The following IMMP2L variants were observed in gnomAD, a reference collection of about 807,000 sequenced individuals.
IMMP2L encodes inner mitochondrial membrane peptidase subunit 2, also known as mitochondrial inner membrane protease subunit 2.
A neutral mutation model predicts 19.3 loss-of-function variants in IMMP2L; 18 were observed. The observed-to-expected ratio is 0.93, with a 90% CI of 0.64 to 1.38. The LOEUF (loss-of-function observed/expected upper bound fraction) is 1.38. Among genes scored for constraint, IMMP2L ranks in the 40% most tolerant of loss-of-function variants. IMMP2L has a pLI of 0.00. For missense variants in IMMP2L, 233 were observed against 218.2 expected (o/e 1.07, Z -0.43); for synonymous variants, 76 against 73.0 (o/e 1.04, Z -0.21).
intron 3 of IMMP2L, among the ~76,000 whole-genome samples, chr7:111,211,064 G>C (rs1201623296): frequency 6.6e-6 from 1 of 152,092 alleles, no homozygotes; most frequent in Non-Finnish European, 1.5e-5. Context: ...AATATGTATT[G>C]AGTCAGTATA....
chr7:111,546,059 T>C (rs989053818), intron 1 of IMMP2L, among the ~76,000 whole-genome samples: 1 of 152,118 alleles, frequency 6.6e-6, no homozygotes, highest in Admixed American at 6.5e-5. Context: ...ATAAACTGCC[T>C]TATTTTTAAC....
intron 3 of IMMP2L, among the ~76,000 whole-genome samples, chr7:110,994,319 A>C (rs1822810105): frequency 6.6e-6 from 1 of 152,066 alleles, no homozygotes; most frequent in African/African-American, 2.4e-5. Flanking sequence ...CTAGATACAA[A>C]ATCAGATGTT....
At chr7:111,079,267 G>A (rs1465860059) in intron 3 of IMMP2L, among the ~76,000 whole-genome samples, 38 of 122,146 alleles carry the variant, frequency 3.1e-4, no homozygotes, top group African/African-American at 9.0e-4. Flanking sequence ...ACAGGCGCCC[G>A]CCACTACGCC....
At chr7:111,437,017 T>C (rs949967926) in intron 3 of IMMP2L, among the ~76,000 whole-genome samples, 11 of 151,852 alleles carry the variant, frequency 7.2e-5, no homozygotes, top group African/African-American at 2.2e-4. Flanking sequence ...TCCGCCCCCA[T>C]GACCCAACCA....
At chr7:110,734,884 A>G (rs1054487151) in intron 5 of IMMP2L, among the ~76,000 whole-genome samples, 1 of 152,168 alleles carries the variant, frequency 6.6e-6, no homozygotes, top group Non-Finnish European at 1.5e-5. Context: ...ATAAACAAAA[A>G]TACTCCTTGG....
chr7:110,788,919 T>C (rs190152054), intron 5 of IMMP2L, among the ~76,000 whole-genome samples: 6 of 151,876 alleles, frequency 4.0e-5, no homozygotes, highest in Admixed American at 1.3e-4. Context: ...AGTAAAGTTA[T>C]GTGATGTCTA....
intron 5 of IMMP2L, among the ~76,000 whole-genome samples, chr7:110,702,628 C>T (rs913911886): frequency 6.6e-6 from 1 of 152,066 alleles, no homozygotes; most frequent in Non-Finnish European, 1.5e-5. Flanking sequence ...ATGTATTGCA[C>T]ATATTTTGTT....
intron 2 of IMMP2L, among the ~76,000 whole-genome samples, chr7:111,503,251 C>T (rs1439809231): frequency 6.6e-6 from 1 of 152,128 alleles, no homozygotes; most frequent in South Asian, 2.1e-4. Flanking sequence ...ACACATACAC[C>T]CTCCCAAGAC....
chr7:110,893,079 A>C (rs1392609583), intron 4 of IMMP2L, among the ~76,000 whole-genome samples: 5 of 152,204 alleles, frequency 3.3e-5, no homozygotes, highest in African/African-American at 1.2e-4. Context: ...TATTGCAACA[A>C]AGAAAGTCAC....
chr7:111,186,508 C>T (rs369253673), intron 3 of IMMP2L, among the ~76,000 whole-genome samples: 51 of 152,242 alleles, frequency 3.3e-4, no homozygotes, highest in South Asian at 6.2e-4. Context: ...GCAGCCTCCA[C>T]CTCCTGGGTT....
At chr7:110,838,528 CA>C (rs1360038328) in intron 5 of IMMP2L, among the ~76,000 whole-genome samples, 2 of 151,828 alleles carry the variant, frequency 1.3e-5, no homozygotes, top group Non-Finnish European at 2.9e-5. Context: ...CTAATCTATT[CA>C]TGGTTAATGG....
chr7:111,082,051 C>G (rs952293525), intron 3 of IMMP2L, among the ~76,000 whole-genome samples: 1 of 152,144 alleles, frequency 6.6e-6, no homozygotes, highest in East Asian at 1.9e-4. Flanking sequence ...TTAATGAGCA[C>G]CAAGCACCAG....
At chr7:111,322,098 T>C (rs1266660954) in intron 3 of IMMP2L, among the ~76,000 whole-genome samples, 1 of 151,942 alleles carries the variant, frequency 6.6e-6, no homozygotes, top group African/African-American at 2.4e-5. Flanking sequence ...GAGAAAACAA[T>C]GCCAAGAGAC....
chr7:111,220,993 C>T (rs1812453883), intron 3 of IMMP2L, among the ~76,000 whole-genome samples: 1 of 152,040 alleles, frequency 6.6e-6, no homozygotes, highest in African/African-American at 2.4e-5. Context: ...CTGAGTTCAC[C>T]ATTTTAAACG....
intron 3 of IMMP2L, among the ~76,000 whole-genome samples, chr7:111,457,918 AT>A (rs1424457561): frequency 1.4e-5 from 2 of 146,354 alleles, no homozygotes; most frequent in African/African-American, 2.6e-5. Flanking sequence ...TAAAATTGGT[AT>A]TTTTGACTAC....
chr7:111,331,117 T>C (rs112161955), intron 3 of IMMP2L, among the ~76,000 whole-genome samples: 4 of 151,998 alleles, frequency 2.6e-5, no homozygotes, highest in African/African-American at 9.6e-5. Context: ...GTTGAAGAAA[T>C]GTCTGCATTC....
rs556963973 is a variant in IMMP2L, at chr7:111,480,253, T to A, written c.239+6985A>T. Among the ~76,000 whole-genome samples, 3 of 151,846 alleles carry A rather than the reference T, an allele frequency of 2.0e-5. No individual in the cohort carries two copies. The South Asian group carries it at 6.3e-4, about 32-fold the overall frequency. On this transcript the variant is annotated intron_variant, in intron 3 of 5. Coordinates refer to ENST00000405709, the MANE Select transcript of IMMP2L (RefSeq NM_032549.4). Reference sequence around the variant, plus strand: ...CGCCCACCACCACGCCCAGCTAATTTTTTGTATTTTTAGTAGAGATGGGGT... The same window carrying A: ...CGCCCACCACCACGCCCAGCTAATTATTTGTATTTTTAGTAGAGATGGGGT...
chr7:111,360,449 A>C (rs749382099), intron 3 of IMMP2L, among the ~76,000 whole-genome samples: 10 of 152,150 alleles, frequency 6.6e-5, no homozygotes, highest in Non-Finnish European at 1.3e-4. Context: ...AACATTACAC[A>C]ACATATTGAA....
chr7:111,381,762 GTTCA>G (rs925957136), intron 3 of IMMP2L, among the ~76,000 whole-genome samples: 3 of 151,842 alleles, frequency 2.0e-5, no homozygotes, highest in African/African-American at 7.3e-5. Context: ...GAAGGCATTT[GTTCA>G]TTCATTCATT....
Sources: gnomAD v4.1 joint callset for allele counts (sites outside exome capture counted in the v4.1 genomes callset) on GRCh38, gnomAD v4.1.1 for gene constraint, MANE v1.5 for transcripts, NCBI Gene and HGNC (gene_info 2026-07-23, HGNC 2026-07-21) for gene names.